CDH23: variants seen among roughly 807,000 people sequenced by gnomAD.
CDH23 encodes cadherin related 23.
Under a neutral mutation model 317.1 loss-of-function variants are expected in CDH23, and 189 were observed. That is an observed-to-expected ratio of 0.60 (90% confidence interval 0.53 to 0.67). The LOEUF (loss-of-function observed/expected upper bound fraction) is 0.67. Among genes scored for constraint, CDH23 ranks in the 30% least tolerant of loss-of-function variants. The pLI is 0.00. For missense variants in CDH23, 4,401 were observed against 4,592.4 expected (o/e 0.96, Z 1.20); for synonymous variants, 1,839 against 1,876.8 (o/e 0.98, Z 0.52).
At chr10:71,466,677 C>T (rs958144145) in intron 3 of CDH23, among the ~76,000 whole-genome samples, 4 of 151,988 alleles carry the variant, frequency 2.6e-5, no homozygotes, top group African/African-American at 9.7e-5. Flanking sequence ...GTGAGTGCGT[C>T]CTTGTCCACA....
intron 6 of CDH23, among the ~76,000 whole-genome samples, chr10:71,559,059 C>G (rs1416193645): frequency 6.6e-6 from 1 of 151,990 alleles, no homozygotes; most frequent in East Asian, 1.9e-4. Context: ...AGCTGTTTGG[C>G]CCCACCCCAT....
chr10:71,458,394 C>T (rs947390073), intron 3 of CDH23, among the ~76,000 whole-genome samples: 1 of 152,252 alleles, frequency 6.6e-6, no homozygotes, highest in African/African-American at 2.4e-5. Flanking sequence ...TCAATGCCAG[C>T]TCTGCCACTT....
chr10:71,492,820 C>T (rs968319559), intron 3 of CDH23, among the ~76,000 whole-genome samples: 3 of 152,210 alleles, frequency 2.0e-5, no homozygotes, highest in Admixed American at 6.5e-5. Context: ...GTGTGCTGCG[C>T]TTGGAGTCTG....
At chr10:71,700,304 T>G (rs1865534909) in intron 22 of CDH23, among the ~76,000 whole-genome samples, 1 of 152,164 alleles carries the variant, frequency 6.6e-6, no homozygotes, top group South Asian at 2.1e-4. Context: ...GGAGGATCAC[T>G]TGAACCCCAG....
chr10:71,666,658 T>G (rs1339104870), intron 14 of CDH23, among the ~76,000 whole-genome samples: 4 of 152,088 alleles, frequency 2.6e-5, no homozygotes, highest in Non-Finnish European at 5.9e-5. Flanking sequence ...GGCTTCTACC[T>G]CACACGCCAG....
At chr10:71,609,221 G>A (rs1355350027) in intron 9 of CDH23, among the ~76,000 whole-genome samples, 13 of 151,678 alleles carry the variant, frequency 8.6e-5, no homozygotes, top group Non-Finnish European at 7.4e-5. Context: ...ATGGCTCGAA[G>A]AGAGAGAACT....
intron 14 of CDH23, among the ~76,000 whole-genome samples, chr10:71,666,009 G>A (rs1863876538): frequency 6.6e-6 from 1 of 152,226 alleles, no homozygotes; most frequent in Admixed American, 6.5e-5. Flanking sequence ...TGATCCATTA[G>A]GAATGTCTAC....
At chr10:71,659,818 AG>A (rs1863567054) in intron 14 of CDH23, among the ~76,000 whole-genome samples, 1 of 152,194 alleles carries the variant, frequency 6.6e-6, no homozygotes, top group Non-Finnish European at 1.5e-5. Flanking sequence ...CCATCTGATG[AG>A]GAGGAGGAAG....
Position 71,687,734 on chromosome 10 carries a change from C to CG in CDH23, c.2059+21dup. ...CATCATGGCAGGTACAGGCTCAGGT[C>CG]GGGGGGTGGGGGGCACATGGAGGTA... On this transcript the variant is annotated intron_variant, in intron 19 of 69. Coordinates refer to ENST00000224721, the MANE Select transcript of CDH23 (RefSeq NM_022124.6). 6.2e-7 allele frequency: 1 copy of CG among 1,610,848 alleles called. No homozygotes were observed.
rs555758823 is a variant in CDH23, at chr10:71,730,654, C to T, written c.3715+50C>T. The T allele has an allele frequency of 4.1e-5, 66 of 1,605,744 alleles. 1 individual carries two copies. The African/African-American group carries it at 6.9e-4, about 17-fold the overall frequency. ...GGATCCCATTGCTCAGAGCAAACCT[C>T]CCCAGCTCACCCAGCCCCTCCTTCG... On this transcript the variant is annotated intron_variant, in intron 31 of 69. Coordinates refer to ENST00000224721, the MANE Select transcript of CDH23 (RefSeq NM_022124.6).
rs145868749 is a variant in CDH23, at chr10:71,793,203, C to T, written c.6275C>T (p.Thr2092Ile). Residue 2092 changes from threonine to isoleucine, a missense_variant, in exon 48 of 70, where the codon ACA (threonine) becomes ATA (isoleucine). Physicochemically the swap from Thr to Ile is moderately conservative, Grantham distance 89. Coordinates refer to ENST00000224721, the MANE Select transcript of CDH23 (RefSeq NM_022124.6). The part of the protein sequence containing the change: ...CPPGFSVLQV[T>I]ATDEDSGLNG... ...ACAGGATTCTCAGTCCTTCAAGTCA[C>T]AGCCACAGATGAGGACAGTGGCCTC... 359 of 1,612,800 alleles carry T rather than the reference C, an allele frequency of 2.2e-4. 1 individual carries two copies. In the African/African-American group the frequency reaches 4.1e-3, roughly 18 times the overall value.
intron 6 of CDH23, among the ~76,000 whole-genome samples, chr10:71,517,530 A>T (rs754481524): frequency 1.6e-4 from 24 of 150,124 alleles, no homozygotes; most frequent in Non-Finnish European, 3.2e-4. Flanking sequence ...TGATTTATAA[A>T]CTGCATCCTC....
rs1217399405 is a variant in CDH23, at chr10:71,405,112, G to T, written c.-6+7794G>T. On this transcript the variant is annotated intron_variant, in intron 1 of 69. Coordinates refer to ENST00000224721, the MANE Select transcript of CDH23 (RefSeq NM_022124.6). ...GCTGGCTTTCCCTGGCTTCGGGTTAGTGTGGGCTGAGTCCCTCTGAGGGAT... is the reference window on the plus strand; with the variant it reads ...GCTGGCTTTCCCTGGCTTCGGGTTATTGTGGGCTGAGTCCCTCTGAGGGAT... 3.9e-5 allele frequency among the ~76,000 whole-genome samples: 6 copies of T among 152,320 alleles called. No homozygotes were observed. In the East Asian group the frequency reaches 1.2e-3, roughly 29 times the overall value.
chr10:71,729,791 A>G (rs892941914), intron 30 of CDH23, among the ~76,000 whole-genome samples: 1 of 152,132 alleles, frequency 6.6e-6, no homozygotes, highest in Non-Finnish European at 1.5e-5. Context: ...TTTTGTCTTC[A>G]TAACAACCTT....
chr10:71,667,908 C>A (rs1013377746), intron 14 of CDH23, among the ~76,000 whole-genome samples: 2 of 152,036 alleles, frequency 1.3e-5, no homozygotes, highest in African/African-American at 4.8e-5. Flanking sequence ...TGAGAGGGTG[C>A]CATGGGAAAA....
At chr10:71,740,656 G>A (rs1839708818) in intron 36 of CDH23, among the ~76,000 whole-genome samples, 166 bp from the exon 37 acceptor site, 1 of 151,940 alleles carries the variant, frequency 6.6e-6, no homozygotes, top group South Asian at 2.1e-4. Flanking sequence ...GAGAGCCCAG[G>A]GCTGGCCGGG....
chr10:71,611,682 C>T (rs1186877369), intron 9 of CDH23, among the ~76,000 whole-genome samples: 1 of 152,218 alleles, frequency 6.6e-6, no homozygotes, highest in Admixed American at 6.5e-5. Context: ...GTAGCAGACC[C>T]ATGATTTGAA....
chr10:71,567,419 G>A lies in CDH23; in HGVS notation c.624+483G>A, dbSNP rs114719836. Among the ~76,000 whole-genome samples the A allele has an allele frequency of 2.0e-3, 310 of 152,370 alleles. 1 individual carries two copies. The highest frequency in any genetic ancestry group is 7.2e-3 in the African/African-American group (300 of 41,596). Reference sequence around the variant, plus strand: ...TCAGGCATCCTGCCTCTACTCCACAGAGTGGTGACATTCCACATCATCCCT... The same window carrying A: ...TCAGGCATCCTGCCTCTACTCCACAAAGTGGTGACATTCCACATCATCCCT... On this transcript the variant is annotated intron_variant, in intron 7 of 69. Coordinates refer to ENST00000224721, the MANE Select transcript of CDH23 (RefSeq NM_022124.6).
At chr10:71,659,826 G>T (rs901720919) in intron 14 of CDH23, among the ~76,000 whole-genome samples, 2 of 152,180 alleles carry the variant, frequency 1.3e-5, no homozygotes, top group African/African-American at 4.8e-5. Flanking sequence ...TGAGGAGGAG[G>T]AAGGTAGTAT....
Sources: allele counts gnomAD v4.1 joint callset (sites outside exome capture counted in the v4.1 genomes callset), GRCh38; gene constraint gnomAD v4.1.1; transcripts MANE v1.5; gene names NCBI Gene and HGNC (gene_info 2026-07-23, HGNC 2026-07-21).